Variants in AOAH observed in about 807,000 individuals in gnomAD.
AOAH encodes the protein acyloxyacyl hydrolase, also known as acyloxyacyl hydrolase (neutrophil).
A neutral mutation model predicts 92.2 loss-of-function variants in AOAH; 64 were observed. That is an observed-to-expected ratio of 0.69 (90% CI 0.57 to 0.86). The LOEUF is 0.86. Ranked by LOEUF, AOAH falls within the 40% of genes least tolerant of loss-of-function variation. The pLI, the probability that AOAH is intolerant of heterozygous loss-of-function variation, is 0.00. For missense variants in AOAH, 656 were observed against 694.6 expected, an observed-to-expected ratio of 0.94 and a Z score of 0.62; for synonymous variants, 263 against 254.5, an observed-to-expected ratio of 1.03 and a Z score of -0.32.
chr7:36,575,493 C>T (rs1366455899), intron 13 of AOAH, among the ~76,000 whole-genome samples: 8 of 152,054 alleles, frequency 5.3e-5, no homozygotes, highest in African/African-American at 1.9e-4. Flanking sequence ...GTAATTTTTC[C>T]TTCCTTTTCC....
At chr7:36,680,797 C>T (rs1269504292) in intron 2 of AOAH, among the ~76,000 whole-genome samples, 1 of 152,168 alleles carries the variant, frequency 6.6e-6, no homozygotes, top group Admixed American at 6.5e-5. Flanking sequence ...TAAAATTGCT[C>T]CAGTTGAAAA....
chr7:36,628,606 A>C (rs1269544391), intron 6 of AOAH, among the ~76,000 whole-genome samples: 1 of 151,634 alleles, frequency 6.6e-6, no homozygotes, highest in Non-Finnish European at 1.5e-5. Context: ...GGCACTGAAG[A>C]GGAGCCAGGA....
At position 36,619,797 on chromosome 7, in the gene AOAH, T is replaced by C. The variant is rs1246825604; in HGVS notation, c.702+984A>G. ...ACTTTTTCTTCTTCATTGAAGCAGA[T>C]AAATTAAGCAACTCTTTAGAGGCAA... On this transcript the variant is annotated intron_variant, in intron 9 of 20. Coordinates refer to ENST00000617537, the MANE Select transcript of AOAH (RefSeq NM_001637.4). 2.0e-5 allele frequency among the ~76,000 whole-genome samples: 3 copies of C among 152,202 alleles called. No individual in the cohort carries two copies. The East Asian group carries it at 5.8e-4, about 29-fold the overall frequency.
chr7:36,618,153 A>G, intron 10 of AOAH, 144 bp downstream of exon 10: 1 of 617,456 alleles, frequency 1.6e-6, no homozygotes, highest in Non-Finnish European at 2.8e-6. Context: ...CTGATCTGTC[A>G]TGAAAATAAA....
At chr7:36,695,425 G>A (rs1469355738) in intron 1 of AOAH, among the ~76,000 whole-genome samples, 6 of 152,228 alleles carry the variant, frequency 3.9e-5, no homozygotes, top group Middle Eastern at 3.4e-3. Flanking sequence ...ACCATTTTGT[G>A]TTTCAGGATG....
At chr7:36,642,624 G>A (rs1036301173) in intron 4 of AOAH, among the ~76,000 whole-genome samples, 1 of 152,148 alleles carries the variant, frequency 6.6e-6, no homozygotes, top group African/African-American at 2.4e-5. Context: ...AGAGTAATTT[G>A]GATGATGAAA....
chr7:36,618,534 G>C lies in AOAH; in HGVS notation c.703-189C>G, dbSNP rs75623195. On this transcript the variant is annotated intron_variant, in intron 9 of 20. Transcript: ENST00000617537. ...CGAGTCGGGTTTGGGAGGAACTGAG[G>C]GTGGGAGTAAAGAGAGCCAGACACT... Among the ~76,000 whole-genome samples the C allele has an allele frequency of 6.4e-3, 976 of 152,346 alleles. 8 individuals are homozygous for C. The highest frequency in any genetic ancestry group is 0.022 in the African/African-American group (924 of 41,582).
rs189903378 is a variant in AOAH, at chr7:36,694,381, C to T, written c.128-7587G>A. Among the ~76,000 whole-genome samples, 44 of 152,158 alleles carry T rather than the reference C, an allele frequency of 2.9e-4. No individual in the cohort carries two copies. The East Asian group carries it at 5.8e-3, about 20-fold the overall frequency. On this transcript the variant is annotated intron_variant, in intron 1 of 20. Transcript: ENST00000617537. ...GGTGTGGTGGCATGCACCTGTAATC[C>T]CAGCTACTTGGGAGGCTGAGGCAGA...
intron 12 of AOAH, among the ~76,000 whole-genome samples, chr7:36,582,357 G>T (rs1211569262): frequency 6.6e-6 from 1 of 152,148 alleles, no homozygotes; most frequent in Non-Finnish European, 1.5e-5. Context: ...CTCAACTCCA[G>T]GCATAGGCAT....
chr7:36,545,773 T>C (rs1435214379), intron 15 of AOAH, among the ~76,000 whole-genome samples: 2 of 152,234 alleles, frequency 1.3e-5, no homozygotes, highest in Non-Finnish European at 2.9e-5. Context: ...TATAATTCTA[T>C]GGAATTTCCA....
At chr7:36,624,587 G>C (rs567552506) in intron 6 of AOAH, among the ~76,000 whole-genome samples, 2 of 152,236 alleles carry the variant, frequency 1.3e-5, no homozygotes, top group African/African-American at 4.8e-5. Flanking sequence ...TACTTACCAG[G>C]TTCCCTTGGG....
At chr7:36,546,364 C>T (rs77000866) in intron 15 of AOAH, among the ~76,000 whole-genome samples, 1,985 of 152,330 alleles carry the variant, frequency 0.013, 25 homozygotes, top group Middle Eastern at 0.071. Flanking sequence ...TCCACCTTGA[C>T]GTTCTGGCAG....
intron 11 of AOAH, 144 bp from the exon 12 acceptor site, chr7:36,594,574 G>A (rs1367017878): frequency 4.1e-6 from 3 of 740,256 alleles, no homozygotes; most frequent in Admixed American, 2.0e-5. Context: ...GGTATTCAAG[G>A]CAGATGTCTC....
intron 12 of AOAH, among the ~76,000 whole-genome samples, chr7:36,590,767 G>T (rs1295449582): frequency 6.6e-6 from 1 of 152,208 alleles, no homozygotes; most frequent in Admixed American, 6.5e-5. Context: ...TGCCCAAAAT[G>T]CCCATGGGAG....
At chr7:36,666,779 T>C (rs1041561073) in intron 3 of AOAH, among the ~76,000 whole-genome samples, 1 of 152,142 alleles carries the variant, frequency 6.6e-6, no homozygotes, top group Non-Finnish European at 1.5e-5. Context: ...TCAATTTTAT[T>C]TAGTTCAAAA....
intron 19 of AOAH, 126 bp downstream of exon 19, chr7:36,530,292 G>T: frequency 1.5e-6 from 1 of 650,498 alleles, no homozygotes; most frequent in Admixed American, 2.7e-5. Context: ...TAGTGTGTCA[G>T]AATAGGCAGG....
chr7:36,635,819 C>T (rs554942324), intron 5 of AOAH, among the ~76,000 whole-genome samples: 2 of 152,300 alleles, frequency 1.3e-5, no homozygotes, highest in Admixed American at 1.3e-4. Flanking sequence ...CTACCCGAGA[C>T]TCAGTCCTCT....
intron 13 of AOAH, among the ~76,000 whole-genome samples, chr7:36,550,489 G>A (rs1190820271): frequency 2.0e-5 from 3 of 152,164 alleles, no homozygotes; most frequent in Non-Finnish European, 4.4e-5. Flanking sequence ...TTTTAAATTA[G>A]GAAACTGAGG....
chr7:36,567,724 T>C (rs1787813597), intron 13 of AOAH, among the ~76,000 whole-genome samples: 1 of 152,128 alleles, frequency 6.6e-6, no homozygotes, highest in South Asian at 2.1e-4. Context: ...AAGGCCCGAA[T>C]AGTGGTGTTT....
Sources: gnomAD v4.1 joint callset for allele counts (sites outside exome capture counted in the v4.1 genomes callset) on GRCh38, gnomAD v4.1.1 for gene constraint, MANE v1.5 for transcripts, NCBI Gene and HGNC (gene_info 2026-07-23, HGNC 2026-07-21) for gene names.